The following SOAT1 variants were observed in gnomAD, a reference collection of about 807,000 sequenced individuals.
The protein encoded by SOAT1 is sterol O-acyltransferase 1, also known as acyl-coenzyme A:cholesterol acyltransferase 1.
A neutral mutation model predicts 69.5 loss-of-function variants in SOAT1; 55 were observed. The observed-to-expected ratio is 0.79, with a 90% CI of 0.64 to 0.99. SOAT1 has a LOEUF of 0.99. Ranked by LOEUF, SOAT1 falls within the 50% of genes least tolerant of loss-of-function variation. The probability of loss-of-function intolerance (pLI) is 0.00; values close to 1 mark genes in which losing one functional copy is unlikely to be tolerated. For missense variants in SOAT1, 580 were observed against 669.3 expected, an observed-to-expected ratio of 0.87 and a Z score of 1.47; for synonymous variants, 231 against 224.7, an observed-to-expected ratio of 1.03 and a Z score of -0.25.
At chr1:179,337,500 A>G (rs1666198925) in intron 4 of SOAT1, among the ~76,000 whole-genome samples, 1 of 149,290 alleles carries the variant, frequency 6.7e-6, no homozygotes, top group Non-Finnish European at 1.5e-5. Context: ...CAAAGTCCAT[A>G]GGGGCTGAGT....
At chr1:179,340,653 G>A (rs912765962) in intron 6 of SOAT1, among the ~76,000 whole-genome samples, 2 of 151,926 alleles carry the variant, frequency 1.3e-5, no homozygotes, top group African/African-American at 4.8e-5. Context: ...ACATAAGAAC[G>A]ATTGCTGTTT....
rs1330151214 is a variant in SOAT1 at position 179,353,872 on chromosome 1, AGACCG to A, written c.*232_*236del. On this transcript the variant is annotated 3_prime_UTR_variant, in exon 16 of 16. Coordinates refer to ENST00000367619, the MANE Select transcript of SOAT1 (RefSeq NM_003101.6). ...TTTTGTGGGGCTGGGTGGGGGGAGA[AGACCG>A]ACTAACAGCTGAAGTAATGACAGAT... The A allele has an allele frequency of 2.2e-5, 11 of 506,642 alleles. No homozygotes were observed. Among genetic ancestry groups the A allele is most frequent in the African/African-American group, 2.0e-4 (10 of 50,282 alleles). The allele number at this position is 506,642 out of a possible 1,614,324, so 31.4% of individuals were successfully genotyped here.
intron 5 of SOAT1, among the ~76,000 whole-genome samples, chr1:179,338,232 C>A (rs550555154): frequency 2.0e-5 from 3 of 152,002 alleles, no homozygotes; most frequent in African/African-American, 7.2e-5. Flanking sequence ...ACAAAAAATA[C>A]AAAAAATTAG....
At position 179,353,665 on chromosome 1, in the gene SOAT1, T is replaced by C; in HGVS notation, c.*24T>C. 6.3e-7 allele frequency: 1 copy of C among 1,596,064 alleles called. No individual in the cohort carries two copies. Among genetic ancestry groups the C allele is most frequent in the East Asian group, 2.2e-5 (1 of 44,784 alleles). ...AGAAGCTTGGACTTTGTTTCCTCCT[T>C]GTCACTGAAGATTGGGTAGCTCCCT... On this transcript the variant is annotated 3_prime_UTR_variant, in exon 16 of 16. Coordinates refer to ENST00000367619, the MANE Select transcript of SOAT1 (RefSeq NM_003101.6).
intron 3 of SOAT1, among the ~76,000 whole-genome samples, chr1:179,324,783 G>A (rs541598861): frequency 4.9e-4 from 71 of 145,928 alleles, no homozygotes; most frequent in African/African-American, 1.6e-3. Context: ...AATATTTAAC[G>A]TATAGACACA....
At chr1:179,311,029 A>T (rs1665202769) in intron 2 of SOAT1, among the ~76,000 whole-genome samples, 1 of 152,088 alleles carries the variant, frequency 6.6e-6, no homozygotes, top group Non-Finnish European at 1.5e-5. Flanking sequence ...GTGACAGTGT[A>T]CAAGATGTTC....
chr1:179,305,891 C>A (rs1664985585), intron 2 of SOAT1, among the ~76,000 whole-genome samples: 1 of 152,082 alleles, frequency 6.6e-6, no homozygotes, highest in Non-Finnish European at 1.5e-5. Context: ...TAGAAAAAAT[C>A]CTTTGTTATA....
chr1:179,345,056 TATTTAACTCC>T lies in SOAT1; in HGVS notation c.1100_1109del (p.Phe367SerfsTer6), dbSNP rs1265637733. 6.2e-7 allele frequency: 1 copy of T among 1,614,106 alleles called. No individual in the cohort carries two copies. Among genetic ancestry groups the T allele is most frequent in the Non-Finnish European group, 8.5e-7 (1 of 1,179,970 alleles). ...AGCGCTCGTGTTCTGGTCCTATGTG[TATTTAACTCC>T]ATCTTGCCAGGTAACATGGGTACTT... is the stretch of plus-strand genomic sequence containing the variant. On this transcript the variant is annotated frameshift_variant, in exon 11 of 16. Transcript: ENST00000367619. LOFTEE classifies it high-confidence loss of function.
chr1:179,353,458 G>T (rs1666816528), intron 15 of SOAT1, 127 bp from the exon 16 acceptor site: 1 of 795,082 alleles, frequency 1.3e-6, no homozygotes, highest in Non-Finnish European at 2.2e-6. Context: ...ATACCTTGAG[G>T]GTTGTTGAAA....
At position 179,302,782 on chromosome 1, in the gene SOAT1, C is replaced by A; in HGVS notation, c.98C>A (p.Ser33Tyr). 6.3e-7 allele frequency: 1 copy of A among 1,581,564 alleles called. No homozygotes were observed. The highest frequency in any genetic ancestry group is 8.5e-7 in the Non-Finnish European group (1 of 1,170,354). ...GACCAGAGAAACCCTGCAAAGGAGT[C>A]CCTAGAGACACCTAGTAATGGTGAG... Reference protein sequence around the residue: ...DEDQRNPAKESLETPSNGRID... With the variant: ...DEDQRNPAKEYLETPSNGRID... Residue 33 changes from serine to tyrosine, a missense_variant, in exon 2 of 16, where the codon TCC becomes TAC. Ser to Tyr is a moderately radical substitution (Grantham distance 144, BLOSUM62 -2). Transcript: ENST00000367619.
At chr1:179,344,304 AGT>A (rs1373256695) in intron 10 of SOAT1, among the ~76,000 whole-genome samples, 1 of 141,814 alleles carries the variant, frequency 7.1e-6, no homozygotes, top group Non-Finnish European at 1.5e-5. Context: ...ATTTTAAATT[AGT>A]GTCTCAATCA....
intron 10 of SOAT1, 74 bp from the exon 11 acceptor site, chr1:179,344,872 CT>C (rs1666470439): frequency 1.4e-6 from 2 of 1,447,330 alleles, no homozygotes; most frequent in Non-Finnish European, 1.9e-6. Flanking sequence ...TCTGTACTTT[CT>C]TTTGGAGAGA....
At chr1:179,335,293 T>A (rs184686407) in intron 3 of SOAT1, among the ~76,000 whole-genome samples, 60 of 152,276 alleles carry the variant, frequency 3.9e-4, no homozygotes, top group Non-Finnish European at 5.6e-4. Context: ...GGGGTATACA[T>A]TTTAAAAGGG....
At chr1:179,300,073 C>A (rs1227929558) in intron 1 of SOAT1, among the ~76,000 whole-genome samples, 1 of 151,258 alleles carries the variant, frequency 6.6e-6, no homozygotes, top group African/African-American at 2.4e-5. Flanking sequence ...ATTTTGCTGT[C>A]TTTTATGCTT....
chr1:179,321,566 T>G (rs1348123583), intron 2 of SOAT1, among the ~76,000 whole-genome samples: 1 of 152,216 alleles, frequency 6.6e-6, no homozygotes, highest in Non-Finnish European at 1.5e-5. Context: ...GTCAGAAGTC[T>G]TTGTTGTGGA....
chr1:179,351,397 A>C lies in SOAT1; in HGVS notation c.1531A>C (p.Asn511His), dbSNP rs1267388132. The change falls in exon 15 of 16, where the codon AAT becomes CAT. Residue 511 changes from asparagine (N) to histidine (H), a missense_variant. Asn to His is a moderately conservative substitution (Grantham distance 68). Transcript: ENST00000367619. ...VLMWTSLFLG[N>H]GVLLCFYSQE... is the part of the protein sequence containing the mutation. ...GATGTGGACTTCTCTTTTCTTGGGCAATGGAGTCTTACTCTGCTTTTATTC... is the reference window on the plus strand; with the variant it reads ...GATGTGGACTTCTCTTTTCTTGGGCCATGGAGTCTTACTCTGCTTTTATTC... The C allele has an allele frequency of 6.2e-7, 1 of 1,614,132 alleles. No individual in the cohort carries two copies. The highest frequency in any genetic ancestry group is 1.1e-5 in the South Asian group (1 of 91,076).
chr1:179,340,266 G>A (rs112105193), intron 6 of SOAT1, among the ~76,000 whole-genome samples: 9 of 152,264 alleles, frequency 5.9e-5, no homozygotes, highest in African/African-American at 1.9e-4. Flanking sequence ...AGGCCGAGGC[G>A]GGAGGATCAC....
chr1:179,351,024 T>TC lies in SOAT1; in HGVS notation c.1451-293_1451-292insC, dbSNP rs1422115803. ...TTTGATACCTGTATATTTCTTTCTT[T>TC]TTTTTTTTTTTTTTTTTTTTTTTTT... On this transcript the variant is annotated intron_variant, in intron 14 of 15. Coordinates refer to ENST00000367619, the MANE Select transcript of SOAT1 (RefSeq NM_003101.6). Among the ~76,000 whole-genome samples the TC allele has an allele frequency of 6.3e-3, 12 of 1,906 alleles. 1 individual carries two copies. Among genetic ancestry groups the TC allele is most frequent in the Non-Finnish European group, 0.011 (9 of 838 alleles). 1.3% of individuals were successfully genotyped at this position (1,906 alleles called of 152,430 possible). A position where few individuals can be genotyped will look rare whatever the true frequency, so the allele number is the denominator to read the frequency against.
chr1:179,339,472 T>G lies in SOAT1; in HGVS notation c.424T>G (p.Tyr142Asp). 6.2e-7 allele frequency: 1 copy of G among 1,612,992 alleles called. No individual in the cohort carries two copies. The highest frequency in any genetic ancestry group is 8.5e-7 in the Non-Finnish European group (1 of 1,179,482). ...LLEVDHIRTIYHMFIALLILF... is the reference protein window; with the variant it reads ...LLEVDHIRTIDHMFIALLILF... Reference sequence around the variant, plus strand: ...TGAAGTGGACCACATCAGAACAATATATCACATGTTTATTGCCCTCCTCAT... The same window carrying G: ...TGAAGTGGACCACATCAGAACAATAGATCACATGTTTATTGCCCTCCTCAT... Residue 142 changes from tyrosine to aspartate, a missense_variant, in exon 6 of 16, where the codon TAT (tyrosine) becomes GAT (aspartate). Physicochemically the swap from Tyr to Asp is radical, Grantham distance 160. Transcript: ENST00000367619.
Sources: allele counts gnomAD v4.1 joint callset (sites outside exome capture counted in the v4.1 genomes callset), GRCh38; gene constraint gnomAD v4.1.1; transcripts MANE v1.5; gene names NCBI Gene and HGNC (gene_info 2026-07-23, HGNC 2026-07-21).